Variants in CACUL1 observed in about 807,000 individuals in gnomAD.
The protein encoded by CACUL1 is CDK2-associated and cullin domain-containing protein 1.
A neutral mutation model predicts 45.2 loss-of-function variants in CACUL1; 13 were observed. The ratio of observed to expected loss-of-function variants is 0.29; its 90% CI spans 0.19 to 0.46. CACUL1 has a LOEUF of 0.46. Among genes scored for constraint, CACUL1 ranks in the 20% least tolerant of loss-of-function variants. CACUL1 has a pLI of 1.00. For synonymous variants in CACUL1, 197 were observed against 174.2 expected (o/e 1.13, Z -1.03); for missense variants, 421 against 471.4 (o/e 0.89, Z 0.99).
At chr10:118,717,086 T>C (rs1299956982) in intron 3 of CACUL1, among the ~76,000 whole-genome samples, 7 of 152,160 alleles carry the variant, frequency 4.6e-5, no homozygotes, top group Admixed American at 4.6e-4. Flanking sequence ...TCAGAAACTT[T>C]CCAGAGGTGT....
At chr10:118,750,098 G>T (rs573625550) in intron 1 of CACUL1, among the ~76,000 whole-genome samples, 13 of 152,248 alleles carry the variant, frequency 8.5e-5, no homozygotes, top group Middle Eastern at 3.4e-3. Flanking sequence ...AGGCCAAGGC[G>T]GGTGGATGAC....
intron 1 of CACUL1, among the ~76,000 whole-genome samples, chr10:118,738,446 GA>G (rs1455006930): frequency 3.3e-5 from 5 of 151,964 alleles, no homozygotes; most frequent in African/African-American, 1.2e-4. Flanking sequence ...TACGCGCCAG[GA>G]AAAATATGCT....
chr10:118,751,667 T>C (rs987980227), intron 1 of CACUL1, among the ~76,000 whole-genome samples: 6 of 152,222 alleles, frequency 3.9e-5, no homozygotes, highest in Non-Finnish European at 8.8e-5. Flanking sequence ...AGATTGATTC[T>C]GTTATTCACA....
At chr10:118,743,655 G>C (rs1845812850) in intron 1 of CACUL1, among the ~76,000 whole-genome samples, 2 of 152,122 alleles carry the variant, frequency 1.3e-5, no homozygotes, top group South Asian at 4.1e-4. Flanking sequence ...CTTGAACCCG[G>C]GAGGTGGAGG....
Position 118,730,328 on chromosome 10 carries a change from C to A in CACUL1, c.450G>T (p.Gln150His). Reference sequence around the variant, plus strand: ...ATATGGGGATATAGTCACCAGGACTCTGAGTTAAAAGTTGATCTATGGCAC... The same window carrying A: ...ATATGGGGATATAGTCACCAGGACTATGAGTTAAAAGTTGATCTATGGCAC... Reference protein sequence around the residue: ...LDGAIDQLLTQSPGDYIPISY... With the variant: ...LDGAIDQLLTHSPGDYIPISY... The change falls in exon 2 of 9, where the codon CAG becomes CAT. Residue 150 changes from glutamine (Q) to histidine (H), a missense_variant. Transcript: ENST00000369151. 1 of 1,614,000 alleles carries A rather than the reference C, an allele frequency of 6.2e-7. No homozygotes were observed. Among genetic ancestry groups the A allele is most frequent in the Non-Finnish European group, 8.5e-7 (1 of 1,179,880 alleles).
At chr10:118,719,397 T>G (rs767834954) in intron 3 of CACUL1, among the ~76,000 whole-genome samples, 1 of 152,212 alleles carries the variant, frequency 6.6e-6, no homozygotes, top group Non-Finnish European at 1.5e-5. Flanking sequence ...GGTAATAAGC[T>G]TTCAGTCTAG....
At position 118,691,408 on chromosome 10, in the gene CACUL1, GA is replaced by G; in HGVS notation, c.887-6del. 1 of 1,607,486 alleles carries G rather than the reference GA, an allele frequency of 6.2e-7. No homozygotes were observed. ...TTGGAGCCATCTGAACCCACTCTGT[GA>G]GGAAAGGAAACAATTCATTAAGGAA... On this transcript the variant is annotated splice_region_variant and splice_polypyrimidine_tract_variant and intron_variant, in intron 6 of 8. Transcript: ENST00000369151.
At chr10:118,737,283 T>C (rs1484259396) in intron 1 of CACUL1, among the ~76,000 whole-genome samples, 1 of 152,188 alleles carries the variant, frequency 6.6e-6, no homozygotes, top group Non-Finnish European at 1.5e-5. Context: ...AATTTTAGGG[T>C]TTATGGTTTG....
intron 5 of CACUL1, among the ~76,000 whole-genome samples, chr10:118,695,568 T>TTA (rs1845314647): frequency 6.6e-6 from 1 of 152,188 alleles, no homozygotes; most frequent in Non-Finnish European, 1.5e-5. Context: ...GAATAAAGTA[T>TTA]CATATGATAA....
At chr10:118,752,176 T>C (rs1017194539) in intron 1 of CACUL1, among the ~76,000 whole-genome samples, 3 of 152,166 alleles carry the variant, frequency 2.0e-5, no homozygotes, top group African/African-American at 4.8e-5. Flanking sequence ...CCTTATAATG[T>C]TAGCCAGGAC....
chr10:118,708,937 A>T (rs1845458686), intron 3 of CACUL1, among the ~76,000 whole-genome samples: 1 of 152,110 alleles, frequency 6.6e-6, no homozygotes, highest in South Asian at 2.1e-4. Context: ...AAAACCGGAG[A>T]GTTAGGGGAG....
At chr10:118,693,928 T>C (rs571356929) in intron 6 of CACUL1, among the ~76,000 whole-genome samples, 1 of 152,350 alleles carries the variant, frequency 6.6e-6, no homozygotes, top group South Asian at 2.1e-4. Context: ...GGGTTTTGTT[T>C]TGTTTTGATG....
At chr10:118,699,343 A>C (rs1845354321) in intron 5 of CACUL1, among the ~76,000 whole-genome samples, 1 of 152,218 alleles carries the variant, frequency 6.6e-6, no homozygotes, top group African/African-American at 2.4e-5. Flanking sequence ...TCCACCTTTA[A>C]GTGTAATTTT....
At chr10:118,730,156 G>A in intron 2 of CACUL1, 128 bp downstream of exon 2, 1 of 1,025,666 alleles carries the variant, frequency 9.7e-7, no homozygotes, top group Non-Finnish European at 1.4e-6. Flanking sequence ...CGTAAGTGTG[G>A]AATACATAAA....
At chr10:118,710,190 G>A (rs1845471456) in intron 3 of CACUL1, among the ~76,000 whole-genome samples, 1 of 151,676 alleles carries the variant, frequency 6.6e-6, no homozygotes, top group African/African-American at 2.4e-5. Context: ...CCTCCCAAAG[G>A]GCTGGGATTA....
intron 1 of CACUL1, among the ~76,000 whole-genome samples, chr10:118,741,588 C>T (rs1189360731): frequency 6.6e-6 from 1 of 152,072 alleles, no homozygotes; most frequent in Non-Finnish European, 1.5e-5. Context: ...CTTTCCTCAC[C>T]CCCAAAATTT....
chr10:118,712,732 A>G (rs927475285), intron 3 of CACUL1, among the ~76,000 whole-genome samples: 2 of 151,938 alleles, frequency 1.3e-5, no homozygotes, highest in African/African-American at 4.8e-5. Context: ...TCAGCAGAAA[A>G]CAGGCCCTAA....
chr10:118,754,525 G>A lies in CACUL1; in HGVS notation c.238C>T (p.Pro80Ser). The change falls in exon 1 of 9, where the codon CCA (proline) becomes TCA (serine). Residue 80 changes from proline (P) to serine (S), a missense_variant. Transcript: ENST00000369151. Reference protein sequence around the residue: ...PKEGLPMGPQPPPEANGVIMM... With the variant: ...PKEGLPMGPQSPPEANGVIMM... Reference sequence around the variant, plus strand: ...ATCACCCCATTAGCCTCCGGCGGTGGCTGCGGCCCCATCGGGAGCCCCTCC... The same window carrying A: ...ATCACCCCATTAGCCTCCGGCGGTGACTGCGGCCCCATCGGGAGCCCCTCC... The A allele has an allele frequency of 6.2e-7, 1 of 1,613,028 alleles. No homozygotes were observed. Among genetic ancestry groups the A allele is most frequent in the East Asian group, 2.2e-5 (1 of 44,780 alleles).
In CACUL1 at chr10:118,696,488, A is replaced by G. The variant is rs147280271; in HGVS notation, c.797-1258T>C. On this transcript the variant is annotated intron_variant, in intron 5 of 8. Coordinates refer to ENST00000369151, the MANE Select transcript of CACUL1 (RefSeq NM_153810.5). ...AAACCCCCGTCTCTACTAAAAATACAAAAAAATTGGCTAGGCGTGGCGGCA... is the reference window on the plus strand; with the variant it reads ...AAACCCCCGTCTCTACTAAAAATACGAAAAAATTGGCTAGGCGTGGCGGCA... Among the ~76,000 whole-genome samples, 602 of 152,314 alleles carry G rather than the reference A, an allele frequency of 4.0e-3. 7 individuals carry two copies. Among genetic ancestry groups the G allele is most frequent in the African/African-American group, 0.014 (582 of 41,586 alleles).
Sources: allele counts gnomAD v4.1 joint callset (sites outside exome capture counted in the v4.1 genomes callset), GRCh38; gene constraint gnomAD v4.1.1; transcripts MANE v1.5; gene names NCBI Gene and HGNC (gene_info 2026-07-23, HGNC 2026-07-21).